SAMD12: variants seen among roughly 807,000 people sequenced by gnomAD.
SAMD12 encodes the protein sterile alpha motif domain-containing protein 12.
Under a neutral mutation model 15.0 loss-of-function variants are expected in SAMD12, and 9 were observed. That is an observed-to-expected ratio of 0.60 (90% confidence interval 0.36 to 1.05). The LOEUF is 1.05. Ranked by LOEUF, SAMD12 falls within the 50% of genes least tolerant of loss-of-function variation. The pLI is 0.01. For missense variants in SAMD12, 230 were observed against 234.2 expected (o/e 0.98, Z 0.12); for synonymous variants, 86 against 90.1 (o/e 0.96, Z 0.25).
At chr8:118,370,529 C>T (rs1819036267) in intron 4 of SAMD12, among the ~76,000 whole-genome samples, 1 of 152,132 alleles carries the variant, frequency 6.6e-6, no homozygotes, top group Non-Finnish European at 1.5e-5. Context: ...GAGATGGAGT[C>T]AACCCAAACG....
chr8:118,615,072 A>G (rs113250340), intron 1 of SAMD12, among the ~76,000 whole-genome samples: 1 of 152,312 alleles, frequency 6.6e-6, no homozygotes, highest in Admixed American at 6.5e-5. Context: ...ATTTTACCAG[A>G]CATGAGTTAG....
At chr8:118,194,346 G>A (rs1165487167) in exon 5 of SAMD12, 2 of 152,070 alleles carry the variant, frequency 1.3e-5, no homozygotes, top group African/African-American at 4.8e-5. Context: ...CCTGAGCAAG[G>A]ATTTGAAGGT....
intron 2 of SAMD12, among the ~76,000 whole-genome samples, chr8:118,576,677 A>G (rs921441743): frequency 1.3e-5 from 2 of 152,216 alleles, no homozygotes; most frequent in African/African-American, 4.8e-5. Context: ...GAAGGACTTC[A>G]GTCTCCCATA....
chr8:118,270,521 C>A (rs536783638), intron 4 of SAMD12, among the ~76,000 whole-genome samples: 16 of 152,268 alleles, frequency 1.1e-4, no homozygotes, highest in Admixed American at 8.5e-4. Context: ...AAATTCCCCA[C>A]AGGGTATGAT....
intron 4 of SAMD12, among the ~76,000 whole-genome samples, chr8:118,200,904 C>T (rs1054490233): frequency 2.0e-5 from 3 of 152,184 alleles, no homozygotes; most frequent in East Asian, 3.9e-4. Context: ...ATTGTAGCCT[C>T]GACCTCCCAG....
At chr8:118,436,036 T>C (rs920108912) in intron 3 of SAMD12, among the ~76,000 whole-genome samples, 12 of 152,222 alleles carry the variant, frequency 7.9e-5, no homozygotes, top group African/African-American at 2.4e-4. Context: ...TACCCTCTGT[T>C]ATCTACAACT....
chr8:118,571,718 C>T (rs1231857440), intron 2 of SAMD12, among the ~76,000 whole-genome samples: 4 of 152,196 alleles, frequency 2.6e-5, no homozygotes, highest in African/African-American at 9.6e-5. Context: ...CCTGCCAGTA[C>T]ACAGGAGTCA....
At chr8:118,262,267 C>G (rs1813098417) in intron 4 of SAMD12, among the ~76,000 whole-genome samples, 1 of 151,864 alleles carries the variant, frequency 6.6e-6, no homozygotes, top group South Asian at 2.1e-4. Flanking sequence ...TCCAGGGAGA[C>G]CAAGTCACTT....
intron 4 of SAMD12, among the ~76,000 whole-genome samples, chr8:118,304,077 T>G (rs1298645819): frequency 6.6e-6 from 1 of 152,196 alleles, no homozygotes; most frequent in Non-Finnish European, 1.5e-5. Context: ...GGATGCCTTG[T>G]GGGCCCGGGT....
intron 2 of SAMD12, among the ~76,000 whole-genome samples, chr8:118,469,518 T>TATATAATATATTATTATATATTATATATA (rs1823713194): frequency 5.5e-4 from 1 of 1,818 alleles, no homozygotes; most frequent in African/African-American, 2.7e-3. Context: ...TAATATATAA[T>TATATAATATATTATTATATATTATATATA]ATATATAATA....
intron 4 of SAMD12, among the ~76,000 whole-genome samples, chr8:118,370,836 G>A (rs1373279372): frequency 5.3e-5 from 8 of 152,092 alleles, no homozygotes; most frequent in Non-Finnish European, 8.8e-5. Context: ...AATGCATGCC[G>A]GGCTTAATAC....
intron 2 of SAMD12, among the ~76,000 whole-genome samples, chr8:118,475,097 G>A (rs182600558): frequency 1.3e-5 from 2 of 152,144 alleles, no homozygotes; most frequent in East Asian, 3.9e-4. Flanking sequence ...AAATTAGCCG[G>A]GCATGGTGAT....
intron 2 of SAMD12, among the ~76,000 whole-genome samples, chr8:118,534,702 A>G (rs867540194): frequency 2.0e-5 from 3 of 152,110 alleles, no homozygotes; most frequent in African/African-American, 4.8e-5. Context: ...TTGATCTTCA[A>G]TCACTGATAC....
At chr8:118,339,086 G>A (rs1817218376) in intron 4 of SAMD12, among the ~76,000 whole-genome samples, 1 of 152,174 alleles carries the variant, frequency 6.6e-6, no homozygotes, top group Non-Finnish European at 1.5e-5. Flanking sequence ...AGCATTTTGG[G>A]AGGCTGAGGT....
At chr8:118,202,440 GC>G (rs1313991381) in intron 4 of SAMD12, among the ~76,000 whole-genome samples, 1 of 152,142 alleles carries the variant, frequency 6.6e-6, no homozygotes, top group Non-Finnish European at 1.5e-5. Flanking sequence ...GATTAGCGCA[GC>G]CCTTAACAGA....
At chr8:118,387,519 G>A (rs568509700) in intron 3 of SAMD12, among the ~76,000 whole-genome samples, 1 of 152,112 alleles carries the variant, frequency 6.6e-6, no homozygotes, top group Admixed American at 6.5e-5. Context: ...CAGTTACTCT[G>A]TTAAACACTA....
intron 4 of SAMD12, among the ~76,000 whole-genome samples, chr8:118,310,154 A>G (rs570064691): frequency 6.6e-6 from 1 of 152,190 alleles, no homozygotes; most frequent in African/African-American, 2.4e-5. Context: ...GACTCTATTC[A>G]TCCTTCAACC....
At chr8:118,173,410 G>A in the SAMD12 span, among the ~76,000 whole-genome samples, 1 of 151,994 alleles carries the variant, frequency 6.6e-6, no homozygotes, top group Non-Finnish European at 1.5e-5. Context: ...CTTAAAATTG[G>A]TGCCCCTGGA....
chr8:118,225,809 C>T (rs1426138018), intron 4 of SAMD12, among the ~76,000 whole-genome samples: 2 of 152,166 alleles, frequency 1.3e-5, no homozygotes, highest in Admixed American at 1.3e-4. Flanking sequence ...AGCATATGAC[C>T]TTGAACTTAC....
Sources: allele counts gnomAD v4.1 joint callset (sites outside exome capture counted in the v4.1 genomes callset), GRCh38; gene constraint gnomAD v4.1.1; transcripts MANE v1.5; gene names NCBI Gene and HGNC (gene_info 2026-07-23, HGNC 2026-07-21).